Variants in FOXN3 observed in about 807,000 individuals in gnomAD.
The protein encoded by FOXN3 is forkhead box protein N3.
In FOXN3, 7 loss-of-function variants were observed where a neutral mutation model predicts 38.4. That is an observed-to-expected ratio of 0.18 (90% CI 0.10 to 0.34). FOXN3 has a LOEUF of 0.34. Ranked by LOEUF, FOXN3 falls within the 10% of genes least tolerant of loss-of-function variation. The probability of loss-of-function intolerance (pLI) is 1.00; values close to 1 mark genes in which losing one functional copy is unlikely to be tolerated. For synonymous variants in FOXN3, 230 were observed against 242.2 expected, an observed-to-expected ratio of 0.95 and a Z score of 0.47; for missense variants, 456 against 613.4, an observed-to-expected ratio of 0.74 and a Z score of 2.71.
intron 1 of FOXN3, among the ~76,000 whole-genome samples, chr14:89,587,186 T>C (rs981016637): frequency 2.0e-5 from 3 of 152,270 alleles, no homozygotes; most frequent in Admixed American, 1.3e-4. Flanking sequence ...CCCGGTCTTT[T>C]TCTCTTGGGG....
rs918058592 is a variant in FOXN3 at position 89,349,333 on chromosome 14, G to C, written c.680+1339C>G. Reference sequence around the variant, plus strand: ...TCCTACAGCTATATGACCTCAAGTTGTCATTTCGAATAAAGTATGCTTCCA... The same window carrying C: ...TCCTACAGCTATATGACCTCAAGTTCTCATTTCGAATAAAGTATGCTTCCA... On this transcript the variant is annotated intron_variant, in intron 3 of 5. Coordinates refer to ENST00000557258, the MANE Select transcript of FOXN3 (RefSeq NM_005197.4). Among the ~76,000 whole-genome samples, 5 of 152,186 alleles carry C rather than the reference G, an allele frequency of 3.3e-5. No homozygotes were observed. The East Asian group carries it at 9.6e-4, about 29-fold the overall frequency.
At chr14:89,220,646 A>C (rs1007668975) in intron 4 of FOXN3, among the ~76,000 whole-genome samples, 2 of 152,166 alleles carry the variant, frequency 1.3e-5, no homozygotes, top group African/African-American at 4.8e-5. Context: ...TGACTGTGGT[A>C]AAGATGTCTG....
intron 1 of FOXN3, among the ~76,000 whole-genome samples, chr14:89,546,845 G>A (rs1287381546): frequency 2.0e-5 from 3 of 151,546 alleles, no homozygotes; most frequent in Non-Finnish European, 2.9e-5. Context: ...GTGCAGTGGC[G>A]TGATCCTGGC....
At chr14:89,472,492 G>A (rs1024368575) in intron 1 of FOXN3, among the ~76,000 whole-genome samples, 15 of 152,130 alleles carry the variant, frequency 9.9e-5, no homozygotes, top group South Asian at 6.2e-4. Context: ...AGGCCAAGGC[G>A]GGCAGATCAC....
intron 4 of FOXN3, among the ~76,000 whole-genome samples, chr14:89,221,087 C>T (rs916532526): frequency 4.6e-5 from 7 of 152,122 alleles, no homozygotes; most frequent in African/African-American, 1.7e-4. Context: ...AACTCTCAAA[C>T]GAAGGCAGAA....
At chr14:89,499,032 A>G (rs1158416240) in intron 1 of FOXN3, among the ~76,000 whole-genome samples, 1 of 152,176 alleles carries the variant, frequency 6.6e-6, no homozygotes, top group Non-Finnish European at 1.5e-5. Flanking sequence ...TAGAGAGGCA[A>G]TCTCAGAAGC....
rs903026123 is a variant in FOXN3 at position 89,331,049 on chromosome 14, C to T, written c.680+19623G>A. Reference sequence around the variant, plus strand: ...ATTTTGGAATGTGTGATAAAATACACAAAATATGAAATTTGCCACTTAAAC... The same window carrying T: ...ATTTTGGAATGTGTGATAAAATACATAAAATATGAAATTTGCCACTTAAAC... On this transcript the variant is annotated intron_variant, in intron 3 of 5. Transcript: ENST00000557258. 1.6e-4 allele frequency among the ~76,000 whole-genome samples: 25 copies of T among 152,216 alleles called. 1 individual carries two copies. Among genetic ancestry groups the T allele is most frequent in the Admixed American group, 1.3e-4 (2 of 15,290 alleles).
rs74585761 is a variant in FOXN3, at chr14:89,315,607, T to C, written c.681-34593A>G. Among the ~76,000 whole-genome samples, 400 of 152,270 alleles carry C rather than the reference T, an allele frequency of 2.6e-3. 3 individuals are homozygous for C. Among genetic ancestry groups the C allele is most frequent in the African/African-American group, 9.3e-3 (385 of 41,560 alleles). ...AACAAAGAACAGGCAGACCCCAGAA[T>C]TGCTGTCGAACAGAATGAATATGCA... On this transcript the variant is annotated intron_variant, in intron 3 of 5. Coordinates refer to ENST00000557258, the MANE Select transcript of FOXN3 (RefSeq NM_005197.4).
At position 89,616,372 on chromosome 14, in the gene FOXN3, A is replaced by G. The variant is rs1027808825; in HGVS notation, c.-15+2656T>C. 2.6e-5 allele frequency among the ~76,000 whole-genome samples: 4 copies of G among 152,230 alleles called. No individual in the cohort carries two copies. The East Asian group carries it at 7.7e-4, about 29-fold the overall frequency. On this transcript the variant is annotated intron_variant, in intron 1 of 6. Transcript: ENST00000345097. Reference sequence around the variant, plus strand: ...CATCCACAAAAGAGGAAACTTTTCTATTTAAGTCAACTGGGTAATAATAAT... The same window carrying G: ...CATCCACAAAAGAGGAAACTTTTCTGTTTAAGTCAACTGGGTAATAATAAT...
chr14:89,273,321 C>T (rs766511682), intron 4 of FOXN3, among the ~76,000 whole-genome samples: 2 of 152,224 alleles, frequency 1.3e-5, no homozygotes, highest in African/African-American at 4.8e-5. Context: ...AGGGACCTGG[C>T]CTGGAGGAAG....
intron 4 of FOXN3, among the ~76,000 whole-genome samples, chr14:89,252,652 C>A (rs1885493623): frequency 8.4e-6 from 1 of 118,940 alleles, no homozygotes; most frequent in African/African-American, 3.4e-5. Flanking sequence ...GAAACTCTAT[C>A]TCAAAAAAAA....
intron 1 of FOXN3, among the ~76,000 whole-genome samples, chr14:89,582,586 T>C (rs927388664): frequency 1.3e-5 from 2 of 150,236 alleles, no homozygotes; most frequent in African/African-American, 4.9e-5. Context: ...ACCTCCCGGG[T>C]TCATGCCATT....
intron 5 of FOXN3, among the ~76,000 whole-genome samples, chr14:89,177,788 G>T (rs1887562559): frequency 6.6e-6 from 1 of 151,988 alleles, no homozygotes; most frequent in Non-Finnish European, 1.5e-5. Context: ...TCCCTTAGGG[G>T]CACCAGCACC....
At chr14:89,427,977 C>T (rs1892076040) in intron 1 of FOXN3, among the ~76,000 whole-genome samples, 1 of 152,114 alleles carries the variant, frequency 6.6e-6, no homozygotes, top group Non-Finnish European at 1.5e-5. Context: ...GTTTTCCTCT[C>T]TTTAGTGAGT....
chr14:89,553,897 C>A (rs936059932), intron 1 of FOXN3, among the ~76,000 whole-genome samples: 1 of 152,122 alleles, frequency 6.6e-6, no homozygotes, highest in East Asian at 1.9e-4. Context: ...AGGAAAATAG[C>A]TTTACCCTAA....
chr14:89,381,010 C>A (rs559476837), intron 2 of FOXN3, among the ~76,000 whole-genome samples: 1 of 152,006 alleles, frequency 6.6e-6, no homozygotes. Context: ...GGTGTGGTGG[C>A]GTGTGCCCAT....
At chr14:89,290,334 C>A in intron 3 of FOXN3, 1 of 372,346 alleles carries the variant, frequency 2.7e-6, no homozygotes, top group South Asian at 2.2e-5. Context: ...CAGTCTAATG[C>A]ATCTTCCCCG....
chr14:89,458,165 G>C (rs1892766311), intron 1 of FOXN3, among the ~76,000 whole-genome samples: 1 of 152,110 alleles, frequency 6.6e-6, no homozygotes, highest in Non-Finnish European at 1.5e-5. Context: ...TCAGATAAGA[G>C]GGAAGAGTGG....
intron 4 of FOXN3, among the ~76,000 whole-genome samples, chr14:89,195,302 G>C (rs558630642): frequency 6.6e-6 from 1 of 152,094 alleles, no homozygotes; most frequent in Admixed American, 6.5e-5. Flanking sequence ...CCTCTCTCTG[G>C]GGCTTACTCC....
Sources: allele counts gnomAD v4.1 joint callset (sites outside exome capture counted in the v4.1 genomes callset), GRCh38; gene constraint gnomAD v4.1.1; transcripts MANE v1.5; gene names NCBI Gene and HGNC (gene_info 2026-07-23, HGNC 2026-07-21).